VAV2: variants seen among roughly 807,000 people sequenced by gnomAD.
VAV2 encodes the protein guanine nucleotide exchange factor VAV2.
Under a neutral mutation model 132.5 loss-of-function variants are expected in VAV2, and 67 were observed. That is an observed-to-expected ratio of 0.51 (90% CI 0.42 to 0.62). The LOEUF is 0.62. Among genes scored for constraint, VAV2 ranks in the 20% least tolerant of loss-of-function variants. VAV2 has a pLI of 0.00. For missense variants in VAV2, 938 were observed against 1,153.6 expected (o/e 0.81, Z 2.71); for synonymous variants, 492 against 443.5 (o/e 1.11, Z -1.37).
chr9:133,801,776 CG>C (rs1564361281), intron 9 of VAV2, among the ~76,000 whole-genome samples: 1 of 152,140 alleles, frequency 6.6e-6, no homozygotes, highest in South Asian at 2.1e-4. Flanking sequence ...CACAGAGACG[CG>C]GGGAGGCCAT....
chr9:133,838,041 C>T (rs959699524), intron 3 of VAV2, among the ~76,000 whole-genome samples: 11 of 152,168 alleles, frequency 7.2e-5, no homozygotes, highest in Non-Finnish European at 1.3e-4. Flanking sequence ...CTGTCAGGGA[C>T]CGTGCACGGC....
chr9:133,835,021 C>CTTT (rs1222262436), intron 3 of VAV2, among the ~76,000 whole-genome samples: 14 of 152,126 alleles, frequency 9.2e-5, no homozygotes, highest in Non-Finnish European at 1.2e-4. Flanking sequence ...ATGCCCCAAC[C>CTTT]CTGGTGCCTT....
intron 6 of VAV2, 69 bp from the exon 7 acceptor site, chr9:133,809,207 C>T (rs568485955): frequency 1.6e-5 from 22 of 1,355,258 alleles, no homozygotes; most frequent in South Asian, 3.7e-5. Context: ...ACATCTGCAC[C>T]GCGACACCCG....
chr9:133,894,160 G>T (rs993399445), intron 2 of VAV2, among the ~76,000 whole-genome samples: 3 of 152,224 alleles, frequency 2.0e-5, no homozygotes, highest in Non-Finnish European at 4.4e-5. Context: ...AGTACCCACT[G>T]CCACCACCAT....
At chr9:133,949,630 G>C (rs1324528374) in intron 1 of VAV2, among the ~76,000 whole-genome samples, 1 of 152,216 alleles carries the variant, frequency 6.6e-6, no homozygotes, top group African/African-American at 2.4e-5. Flanking sequence ...TGGGAAACAG[G>C]CTTCCCAGAG....
chr9:133,926,341 G>A lies in VAV2; in HGVS notation c.321+12762C>T, dbSNP rs1195138273. 6.6e-6 allele frequency: 1 copy of A among 152,454 alleles called. No homozygotes were observed. The highest frequency in any genetic ancestry group is 1.5e-5 in the Non-Finnish European group (1 of 68,228). 9.4% of individuals were successfully genotyped at this position (152,454 alleles called of 1,614,324 possible). A position where few individuals can be genotyped will look rare whatever the true frequency, so the allele number is the denominator to read the frequency against. ...CAGAGCCAAGTCCTAAGAGGGAAGG[G>A]AGACAACAGGTGGGCATCACTCCCC... On this transcript the variant is annotated intron_variant, in intron 2 of 29. Transcript: ENST00000371850. This position sits in a 1 kb window ranked among gnomAD's most constrained non-coding sequence, Gnocchi z 4.3.
chr9:133,924,219 G>T (rs141970766), intron 2 of VAV2, among the ~76,000 whole-genome samples: 2 of 152,106 alleles, frequency 1.3e-5, no homozygotes, highest in Non-Finnish European at 2.9e-5. Context: ...GTCTCGCTCT[G>T]TTGCCCGGGC....
chr9:133,938,507 TC>T (rs1841008093), intron 2 of VAV2, among the ~76,000 whole-genome samples: 1 of 31,398 alleles, frequency 3.2e-5, no homozygotes, highest in Non-Finnish European at 1.7e-4. Context: ...CCAGCCCGGC[TC>T]CTGCATGCAG....
intron 9 of VAV2, among the ~76,000 whole-genome samples, chr9:133,803,491 G>A (rs751166582): frequency 1.3e-5 from 2 of 151,840 alleles, no homozygotes; most frequent in African/African-American, 2.4e-5. Flanking sequence ...AAAACCACAC[G>A]GCTTTGTCTT....
At chr9:133,940,172 G>A (rs2519102) in intron 1 of VAV2, among the ~76,000 whole-genome samples, 3 of 152,002 alleles carry the variant, frequency 2.0e-5, no homozygotes, top group Admixed American at 6.5e-5. Context: ...GTTTTCTACC[G>A]CCACCTGCCT....
chr9:133,849,944 AAGTTCGG>A (rs1837099544), intron 3 of VAV2, among the ~76,000 whole-genome samples: 1 of 152,120 alleles, frequency 6.6e-6, no homozygotes, highest in Non-Finnish European at 1.5e-5. Flanking sequence ...TCCCATTCAC[AAGTTCGG>A]AGGGATACAG....
At chr9:133,838,495 ATGGGTGGGTAAGTGGG>A (rs1488837964) in intron 3 of VAV2, among the ~76,000 whole-genome samples, 3 of 54,894 alleles carry the variant, frequency 5.5e-5, no homozygotes, top group Non-Finnish European at 9.7e-5. Context: ...GGATGGATGG[ATGGGTGGGTAAGTGGG>A]TGGGTGGGTG....
At chr9:133,964,385 C>T (rs190581126) in intron 1 of VAV2, among the ~76,000 whole-genome samples, 1 of 151,882 alleles carries the variant, frequency 6.6e-6, no homozygotes, top group East Asian at 1.9e-4. Flanking sequence ...AATATATACA[C>T]ACAAATATAT....
rs763756887 is a variant in VAV2, at chr9:133,861,393, C to A, written c.361G>T (p.Ala121Ser). ...AVSRLSLHSI[A>S]QNKGIRPFPS... ...GCTCACCTGATCCCTTTGTTCTGCG[C>A]GATGCTGTGCAGGGAGAGCCTCGAC... The change falls in exon 3 of 30, where the codon GCG becomes TCG. Residue 121 changes from alanine (A) to serine (S), a missense_variant. Transcript: ENST00000371850. 3.1e-6 allele frequency: 5 copies of A among 1,613,352 alleles called. No homozygotes were observed. Among genetic ancestry groups the A allele is most frequent in the South Asian group, 2.2e-5 (2 of 90,924 alleles).
chr9:133,780,447 G>A (rs1408012674), intron 20 of VAV2, among the ~76,000 whole-genome samples: 7 of 152,168 alleles, frequency 4.6e-5, no homozygotes, highest in East Asian at 1.9e-4. Context: ...ACCCATAGCC[G>A]CGAGCAGCCA....
chr9:133,872,603 G>A (rs571774105), intron 2 of VAV2, among the ~76,000 whole-genome samples: 1 of 152,124 alleles, frequency 6.6e-6, no homozygotes, highest in African/African-American at 2.4e-5. Flanking sequence ...GGGAAGCCCC[G>A]GGGGTCAGAG....
chr9:133,822,559 CGACCCATGAGGGAGG>C (rs1835832873), intron 4 of VAV2, among the ~76,000 whole-genome samples: 1 of 152,168 alleles, frequency 6.6e-6, no homozygotes, highest in African/African-American at 2.4e-5. Flanking sequence ...ACCCTCACCA[CGACCCATGAGGGAGG>C]GAGGCCTTGC....
intron 29 of VAV2, 51 bp from the exon 30 acceptor site, chr9:133,764,160 A>C (rs776819403): frequency 1.9e-6 from 3 of 1,610,252 alleles, no homozygotes; most frequent in Admixed American, 3.3e-5. Flanking sequence ...GTGTGTAAGC[A>C]GGTGTGTGCA....
At chr9:133,775,992 C>T (rs918804013) in intron 24 of VAV2, 36 bp downstream of exon 24, 1 of 1,578,490 alleles carries the variant, frequency 6.3e-7, no homozygotes, top group Non-Finnish European at 8.6e-7. Context: ...AAAGAGGCCA[C>T]CAGATGCCCA....
Sources: allele counts gnomAD v4.1 joint callset (sites outside exome capture counted in the v4.1 genomes callset), GRCh38; gene constraint gnomAD v4.1.1; non-coding constraint Gnocchi (gnomAD v3.1); transcripts MANE v1.5; gene names NCBI Gene and HGNC (gene_info 2026-07-23, HGNC 2026-07-21).